TLN1: variants seen among roughly 807,000 people sequenced by gnomAD.
TLN1 encodes talin-1.
TLN1 carries 56 observed loss-of-function variants against 292.3 expected under a neutral mutation model. The ratio of observed to expected loss-of-function variants is 0.19; its 90% CI spans 0.15 to 0.24. TLN1 has a LOEUF of 0.24. Among genes scored for constraint, TLN1 ranks in the 10% least tolerant of loss-of-function variants. TLN1 has a pLI of 1.00. For missense variants in TLN1, 2,433 were observed against 3,248.2 expected (o/e 0.75, Z 6.10); for synonymous variants, 1,119 against 1,253.7 (o/e 0.89, Z 2.27).
rs1354962245 is a variant in TLN1, at chr9:35,717,110, T to C, written c.2458+36A>G. 2.6e-6 allele frequency: 4 copies of C among 1,560,832 alleles called. No individual in the cohort carries two copies. The African/African-American group carries it at 4.1e-5, about 16-fold the overall frequency. On this transcript the variant is annotated intron_variant, in intron 19 of 56. Coordinates refer to ENST00000314888, the MANE Select transcript of TLN1 (RefSeq NM_006289.4). This position sits in a 1 kb window ranked among gnomAD's most constrained non-coding sequence, Gnocchi z 4.7. ...GTCCAGTGGGCTTAGGGAACCCTGGTAGGGTTTTTTGTTTTCCTGGGGGTG... is the reference window on the plus strand; with the variant it reads ...GTCCAGTGGGCTTAGGGAACCCTGGCAGGGTTTTTTGTTTTCCTGGGGGTG...
Position 35,717,358 on chromosome 9 carries a change from C to T in TLN1, c.2246G>A (p.Gly749Asp). ...AGRLVAKAVEGCVSASQAATE... is the reference protein window; with the variant it reads ...AGRLVAKAVEDCVSASQAATE... Reference sequence around the variant, plus strand: ...AGCTGCCTGGGAGGCAGACACACAGCCCTCCACGGCTTTGGCTACCAGTCG... The same window carrying T: ...AGCTGCCTGGGAGGCAGACACACAGTCCTCCACGGCTTTGGCTACCAGTCG... Residue 749 changes from glycine (G) to aspartate (D), a missense_variant, in exon 19 of 57, where the codon GGC becomes GAC. Gly to Asp is a moderately conservative substitution (Grantham distance 94, BLOSUM62 -1). Transcript: ENST00000314888. This position sits in a 1 kb window ranked among gnomAD's most constrained non-coding sequence, Gnocchi z 4.7. 1 of 1,614,166 alleles carries T rather than the reference C, an allele frequency of 6.2e-7. No individual in the cohort carries two copies. Among genetic ancestry groups the T allele is most frequent in the Non-Finnish European group, 8.5e-7 (1 of 1,180,030 alleles).
At chr9:35,729,355 G>A (rs922563889) in intron 1 of TLN1, among the ~76,000 whole-genome samples, 1 of 152,188 alleles carries the variant, frequency 6.6e-6, no homozygotes, top group East Asian at 1.9e-4. Context: ...TCGTGGAGGA[G>A]CATTCAGGGA....
chr9:35,704,643 C>T lies in TLN1; in HGVS notation c.5880+26G>A. 2 of 1,612,440 alleles carry T rather than the reference C, an allele frequency of 1.2e-6. No individual in the cohort carries two copies. The highest frequency in any genetic ancestry group is 1.7e-6 in the Non-Finnish European group (2 of 1,179,240). Reference sequence around the variant, plus strand: ...GCTACAGAGTTTGGAGGCAGTCCCACCATCTGCAGGGATGAGCACCGTCAC... The same window carrying T: ...GCTACAGAGTTTGGAGGCAGTCCCATCATCTGCAGGGATGAGCACCGTCAC... On this transcript the variant is annotated intron_variant, in intron 44 of 56. Coordinates refer to ENST00000314888, the MANE Select transcript of TLN1 (RefSeq NM_006289.4). The surrounding 1 kb of genome is among the most constrained non-coding windows in gnomAD (Gnocchi z 6.9).
chr9:35,713,800 GA>G (rs773591448), intron 25 of TLN1, among the ~76,000 whole-genome samples, 152 bp downstream of exon 25: 2 of 146,910 alleles, frequency 1.4e-5, no homozygotes, highest in Non-Finnish European at 3.0e-5. Flanking sequence ...GAAAGAGAAA[GA>G]AAAAAGGAAG....
chr9:35,707,666 C>T lies in TLN1; in HGVS notation c.4632+65G>A, dbSNP rs200257504. ...TTTGGTAGAAGGCTTCAGAGAATAA[C>T]TGGGGGACTCGGGGGAGAAGATAGG... On this transcript the variant is annotated intron_variant, in intron 35 of 56. Transcript: ENST00000314888. This position sits in a 1 kb window ranked among gnomAD's most constrained non-coding sequence, Gnocchi z 5.6. 116 of 1,606,538 alleles carry T rather than the reference C, an allele frequency of 7.2e-5. No individual in the cohort carries two copies. The highest frequency in any genetic ancestry group is 9.2e-5 in the Non-Finnish European group (108 of 1,174,668).
chr9:35,727,478 T>A (rs1825998014), intron 1 of TLN1, among the ~76,000 whole-genome samples: 1 of 152,030 alleles, frequency 6.6e-6, no homozygotes. Flanking sequence ...TTACAAGCAG[T>A]CCAGAGTCTC....
chr9:35,698,409 T>G lies in TLN1; in HGVS notation c.7285A>C (p.Lys2429Gln), dbSNP rs755608601. 1.2e-6 allele frequency: 2 copies of G among 1,614,170 alleles called. No individual in the cohort carries two copies. Among genetic ancestry groups the G allele is most frequent in the Non-Finnish European group, 1.7e-6 (2 of 1,180,034 alleles). ...TGGGCTGTGGAGGCAGCTACCTGCT[T>G]GGCTGATGAGATGAGCTTCTCCTGG... Reference protein sequence around the residue: ...ASQEKLISSAKQVAASTAQLL... With the variant: ...ASQEKLISSAQQVAASTAQLL... Residue 2429 changes from lysine (K) to glutamine (Q), a missense_variant, in exon 55 of 57, where the codon AAG (lysine) becomes CAG (glutamine). Physicochemically the swap from Lys to Gln is moderately conservative, Grantham distance 53. Coordinates refer to ENST00000314888, the MANE Select transcript of TLN1 (RefSeq NM_006289.4). This position sits in a 1 kb window ranked among gnomAD's most constrained non-coding sequence, Gnocchi z 5.3.
chr9:35,700,439 T>C, intron 48 of TLN1, 63 bp from the exon 49 acceptor site: 1 of 1,485,946 alleles, frequency 6.7e-7, no homozygotes, highest in Non-Finnish European at 9.1e-7. Flanking sequence ...AGCGTAGAAC[T>C]CTGTGTGCAT....
chr9:35,710,171 C>T (rs1825640864), intron 33 of TLN1, among the ~76,000 whole-genome samples: 1 of 140,148 alleles, frequency 7.1e-6, no homozygotes, highest in Non-Finnish European at 1.5e-5. Context: ...TGCAGTGAGC[C>T]TAGATCACGC....
In TLN1 at chr9:35,699,997, C is replaced by G. The variant is rs374151556; in HGVS notation, c.6745G>C (p.Glu2249Gln). ...ACCAGCAGTACATGGTCCAGCAGTT[C>G]CAGGTAGCCATTGGCACACTCCCGG... The part of the protein sequence containing the change: ...YGRECANGYL[E>Q]LLDHVLLTLQ... The change falls in exon 50 of 57, where the codon GAA (glutamate) becomes CAA (glutamine). Residue 2249 changes from glutamate (E) to glutamine (Q), a missense_variant. This residue lies in a region of TLN1 where 1,384 missense variants were observed against 1,699.6 expected (regional missense o/e 0.81). Coordinates refer to ENST00000314888, the MANE Select transcript of TLN1 (RefSeq NM_006289.4). The surrounding 1 kb of genome is among the most constrained non-coding windows in gnomAD (Gnocchi z 4.0). 9.3e-6 allele frequency: 15 copies of G among 1,613,012 alleles called. No homozygotes were observed. The highest frequency in any genetic ancestry group is 1.3e-5 in the Non-Finnish European group (15 of 1,179,386).
In TLN1 at chr9:35,710,998, C is replaced by A. The variant is rs1825658246; in HGVS notation, c.4104G>T (p.Arg1368=). 6.2e-7 allele frequency: 1 copy of A among 1,614,092 alleles called. No individual in the cohort carries two copies. The highest frequency in any genetic ancestry group is 8.5e-7 in the Non-Finnish European group (1 of 1,180,042). ...PGQKECDNAL[R]ELETVRELLE... is the part of the protein sequence containing the mutation. ...CCTGCCATGTGTCTACCTCCAATTC[C>A]CGCAGGGCGTTATCACACTCCTTCT... is the stretch of plus-strand genomic sequence containing the variant. Residue 1368 remains arginine (R), a synonymous_variant, in exon 31 of 57, where the codon CGG becomes CGT. Transcript: ENST00000314888.
In TLN1 at chr9:35,704,446, C is replaced by T; in HGVS notation, c.5933G>A (p.Cys1978Tyr). The change falls in exon 45 of 57, where the codon TGC (cysteine) becomes TAC (tyrosine). Residue 1978 changes from cysteine to tyrosine, a missense_variant. By Grantham distance (194) the Cys-to-Tyr change is radical. Around this residue, in one of 7 missense-constraint regions of TLN1, gnomAD observed 1,384 missense variants for 1,699.6 expected, o/e 0.81. Transcript: ENST00000314888. The surrounding 1 kb of genome is among the most constrained non-coding windows in gnomAD (Gnocchi z 6.9). Reference sequence around the variant, plus strand: ...AGACACAGCGCTGGCTGCTGTGATGCAGGCCTGGGTGCCACGATTCCCAGC... The same window carrying T: ...AGACACAGCGCTGGCTGCTGTGATGTAGGCCTGGGTGCCACGATTCCCAGC... ...LQAGNRGTQA[C>Y]ITAASAVSGI... 1 of 1,614,046 alleles carries T rather than the reference C, an allele frequency of 6.2e-7. No individual in the cohort carries two copies. The highest frequency in any genetic ancestry group is 2.2e-5 in the East Asian group (1 of 44,888).
chr9:35,721,418 A>T (rs761047688), intron 10 of TLN1, among the ~76,000 whole-genome samples: 28 of 152,344 alleles, frequency 1.8e-4, no homozygotes, highest in Non-Finnish European at 2.9e-4. Context: ...AATTCCTGTG[A>T]TCTCAGCTTG....
intron 10 of TLN1, 78 bp from the exon 11 acceptor site, chr9:35,720,991 G>C: frequency 8.7e-7 from 1 of 1,144,138 alleles, no homozygotes; most frequent in Non-Finnish European, 1.3e-6. Flanking sequence ...GGAGGCCCAA[G>C]GTTGAGCTGA....
Position 35,722,808 on chromosome 9 carries a change from T to G in TLN1, c.843+53A>C, listed in dbSNP as rs1825900331. On this transcript the variant is annotated intron_variant, in intron 8 of 56. Transcript: ENST00000314888. ...CAGGGGGCCATTTAGTCAGTAAGAT[T>G]AAGCAGCAAAGCTCCGCGGTCATCC... 4 of 1,587,590 alleles carry G rather than the reference T, an allele frequency of 2.5e-6. No individual in the cohort carries two copies. The East Asian group carries it at 9.0e-5, about 36-fold the overall frequency.
intron 56 of TLN1, 25 bp from the exon 57 acceptor site, chr9:35,697,941 G>A (rs769514659): frequency 1.2e-5 from 20 of 1,613,958 alleles, no homozygotes; most frequent in Non-Finnish European, 1.1e-5. Flanking sequence ...CGGGGACTTA[G>A]TTCAGTGAGG....
chr9:35,725,041 G>A (rs1825945219), intron 3 of TLN1, 82 bp from the exon 4 acceptor site: 2 of 1,597,486 alleles, frequency 1.3e-6, no homozygotes, highest in African/African-American at 1.3e-5. Flanking sequence ...AGGGGAGAGA[G>A]TGGAGCACTG....
chr9:35,708,355 A>G lies in TLN1; in HGVS notation c.4456T>C (p.Cys1486Arg), dbSNP rs750856015. The change falls in exon 34 of 57, where the codon TGT (cysteine) becomes CGT (arginine). Residue 1486 changes from cysteine (C) to arginine (R), a missense_variant. Around this residue, in one of 7 missense-constraint regions of TLN1, gnomAD observed 1,384 missense variants for 1,699.6 expected, o/e 0.81. Transcript: ENST00000314888. ...MACQSLGEPG[C>R]TQAQVLSAAT... ...CCTTGAGTTACCTGGGCCTGGGTAC[A>G]GCCAGGCTCTCCCAAACTCTGGCAG... 6.8e-6 allele frequency: 11 copies of G among 1,608,798 alleles called. No homozygotes were observed. Among genetic ancestry groups the G allele is most frequent in the Non-Finnish European group, 8.5e-6 (10 of 1,177,176 alleles).
rs1163730315 is a variant in TLN1, at chr9:35,704,769, C to T, written c.5780G>A (p.Cys1927Tyr). 2 of 1,614,194 alleles carry T rather than the reference C, an allele frequency of 1.2e-6. No homozygotes were observed. The highest frequency in any genetic ancestry group is 1.1e-5 in the South Asian group (1 of 91,082). The change falls in exon 44 of 57, where the codon TGT (cysteine) becomes TAT (tyrosine). Residue 1927 changes from cysteine to tyrosine, a missense_variant. Around this residue, in one of 7 missense-constraint regions of TLN1, gnomAD observed 1,384 missense variants for 1,699.6 expected, o/e 0.81. Transcript: ENST00000314888. The surrounding 1 kb of genome is among the most constrained non-coding windows in gnomAD (Gnocchi z 6.9). ...GCCTGCCTTGGTGACCAGAGCGGCACAGCCATGGCCCAGCTCCTGTACCCG... is the reference window on the plus strand; with the variant it reads ...GCCTGCCTTGGTGACCAGAGCGGCATAGCCATGGCCCAGCTCCTGTACCCG... ...KHRVQELGHGCAALVTKAGAL... is the reference protein window; with the variant it reads ...KHRVQELGHGYAALVTKAGAL...
Sources: gnomAD v4.1 joint callset for allele counts (sites outside exome capture counted in the v4.1 genomes callset) on GRCh38, gnomAD v4.1.1 for gene constraint, gnomAD v4.1.1 regional missense constraint, Gnocchi (gnomAD v3.1) non-coding constraint, MANE v1.5 for transcripts, NCBI Gene and HGNC (gene_info 2026-07-23, HGNC 2026-07-21) for gene names.